The following EPB41L5 variants were observed in gnomAD, a reference collection of about 807,000 sequenced individuals.
The protein encoded by EPB41L5 is erythrocyte membrane protein band 4.1 like 5.
A neutral mutation model predicts 106.6 loss-of-function variants in EPB41L5; 55 were observed. The ratio of observed to expected loss-of-function variants is 0.52; its 90% CI spans 0.42 to 0.65. The LOEUF (loss-of-function observed/expected upper bound fraction) is 0.65, where lower values mean the gene tolerates loss of function less well. Among genes scored for constraint, EPB41L5 ranks in the 30% least tolerant of loss-of-function variants. The probability of loss-of-function intolerance (pLI) is 0.00; values close to 1 mark genes in which losing one functional copy is unlikely to be tolerated. For missense variants in EPB41L5, 871 were observed against 882.1 expected (o/e 0.99, Z 0.16); for synonymous variants, 297 against 306.7 (o/e 0.97, Z 0.33).
At chr2:120,084,320 G>A (rs1207320376) in intron 10 of EPB41L5, among the ~76,000 whole-genome samples, 5 of 152,044 alleles carry the variant, frequency 3.3e-5, no homozygotes, top group Non-Finnish European at 5.9e-5. Context: ...GGCATGCCTC[G>A]TGGTGACAAA....
intron 24 of EPB41L5, among the ~76,000 whole-genome samples, chr2:120,171,256 T>C (rs973898856): frequency 3.3e-5 from 5 of 152,000 alleles, no homozygotes; most frequent in Non-Finnish European, 7.4e-5. Flanking sequence ...AGAAACAAAA[T>C]AAAAAGCAAG....
intron 3 of EPB41L5, among the ~76,000 whole-genome samples, chr2:120,056,537 G>A (rs547390807): frequency 3.3e-5 from 5 of 152,216 alleles, no homozygotes; most frequent in African/African-American, 9.6e-5. Flanking sequence ...GTATGCAAGC[G>A]ATCCTTTTGC....
At position 120,174,843 on chromosome 2, in the gene EPB41L5, C is replaced by G. The variant is rs759329364; in HGVS notation, c.2138C>G (p.Ser713Cys). ...APFLVDAVTS[S>C]GPILAEEAVL... ...AACCCATTCTCTCTTCCTTTCAGCT[C>G]TGGTCCCATTTTGGCAGAAGAAGCT... The change falls in exon 25 of 25, where the codon TCT becomes TGT. Residue 713 changes from serine to cysteine, a missense_variant and splice_region_variant. By Grantham distance (112) the Ser-to-Cys change is moderately radical. Transcript: ENST00000263713. 3.3e-5 allele frequency: 54 copies of G among 1,614,016 alleles called. No homozygotes were observed. The Middle Eastern group carries it at 1.3e-3, about 39-fold the overall frequency.
At position 120,117,034 on chromosome 2, in the gene EPB41L5, A is replaced by G. The variant is rs768849341; in HGVS notation, c.1338-10654A>G. Among the ~76,000 whole-genome samples, 29 of 152,350 alleles carry G rather than the reference A, an allele frequency of 1.9e-4. 1 individual carries two copies. The highest frequency in any genetic ancestry group is 6.8e-3 in the Middle Eastern group (2 of 292). ...TTTTCATTTGCCCTTAATTTTAAAA[A>G]TTTATTGTGAAATAAATATATAGAG... is the stretch of plus-strand genomic sequence containing the variant. On this transcript the variant is annotated intron_variant, in intron 16 of 24. Coordinates refer to ENST00000263713, the MANE Select transcript of EPB41L5 (RefSeq NM_020909.4).
At chr2:120,170,408 G>C (rs751484392) in intron 24 of EPB41L5, among the ~76,000 whole-genome samples, 1 of 152,198 alleles carries the variant, frequency 6.6e-6, no homozygotes, top group Admixed American at 6.5e-5. Context: ...TCATCTGAAG[G>C]CTCAATGGAA....
intron 14 of EPB41L5, among the ~76,000 whole-genome samples, chr2:120,096,212 GA>G (rs1042353269): frequency 2.6e-5 from 4 of 151,994 alleles, no homozygotes; most frequent in African/African-American, 9.7e-5. Context: ...GCCTCACCTT[GA>G]AATGTCCATT....
At position 120,102,489 on chromosome 2, in the gene EPB41L5, G is replaced by A. The variant is rs180970451; in HGVS notation, c.1337+1675G>A. Among the ~76,000 whole-genome samples, 447 of 152,224 alleles carry A rather than the reference G, an allele frequency of 2.9e-3. 2 individuals carry two copies. Among genetic ancestry groups the A allele is most frequent in the African/African-American group, 0.01 (434 of 41,538 alleles). ...TGTTTTGGAGATAATGGACTCTCCC[G>A]CCTTAATTTCATATGTGTTCTGCAT... On this transcript the variant is annotated intron_variant, in intron 16 of 24. Transcript: ENST00000263713.
chr2:120,055,126 G>A (rs905436120), intron 3 of EPB41L5, among the ~76,000 whole-genome samples: 4 of 152,152 alleles, frequency 2.6e-5, no homozygotes, highest in South Asian at 2.1e-4. Flanking sequence ...GCCTCCCAAA[G>A]TGCTGGAATT....
chr2:120,041,094 C>A (rs1679373954), intron 2 of EPB41L5, among the ~76,000 whole-genome samples: 1 of 151,966 alleles, frequency 6.6e-6, no homozygotes. Context: ...CAATAATTGT[C>A]TATTAATATA....
At chr2:120,166,787 A>G (rs1380257486) in intron 22 of EPB41L5, among the ~76,000 whole-genome samples, 3 of 152,202 alleles carry the variant, frequency 2.0e-5, no homozygotes, top group South Asian at 2.1e-4. Context: ...CTGGACTTAC[A>G]TTAGTTTTTT....
At chr2:120,136,238 CAAAT>C (rs1166442434) in intron 18 of EPB41L5, among the ~76,000 whole-genome samples, 5 of 147,158 alleles carry the variant, frequency 3.4e-5, no homozygotes, top group Non-Finnish European at 1.5e-5. Flanking sequence ...ATGGTAACCT[CAAAT>C]AAAAAAGCCT....
intron 3 of EPB41L5, among the ~76,000 whole-genome samples, chr2:120,070,684 T>TA (rs1333960055): frequency 1.3e-5 from 2 of 152,176 alleles, no homozygotes; most frequent in Non-Finnish European, 2.9e-5. Flanking sequence ...TGGTTCAACA[T>TA]ACGCAAATCA....
rs552819825 is a variant in EPB41L5 at position 120,074,005 on chromosome 2, G to C, written c.329-95G>C. The C allele has an allele frequency of 3.7e-5, 33 of 883,986 alleles. 1 individual carries two copies. Among genetic ancestry groups the C allele is most frequent in the Middle Eastern group, 6.8e-4 (2 of 2,930 alleles). 54.8% of individuals were successfully genotyped at this position (883,986 alleles called of 1,614,324 possible). A position where few individuals can be genotyped will look rare whatever the true frequency, so the allele number is the denominator to read the frequency against. On this transcript the variant is annotated intron_variant, in intron 4 of 24. Transcript: ENST00000263713. ...TAATGCCATAAAAACCTCATCTTTT[G>C]TCTCACTTCAGTAGATTTTTGACCA...
At chr2:120,093,340 T>A in intron 14 of EPB41L5, 64 bp downstream of exon 14, 1 of 1,333,038 alleles carries the variant, frequency 7.5e-7, no homozygotes, top group South Asian at 1.2e-5. Context: ...TTGCTATCAT[T>A]AAACAAATAT....
chr2:120,059,009 A>G (rs1386649260), intron 3 of EPB41L5, among the ~76,000 whole-genome samples: 3 of 152,214 alleles, frequency 2.0e-5, no homozygotes, highest in Non-Finnish European at 2.9e-5. Context: ...AGTAATTTTA[A>G]AAAAGGGGAA....
In EPB41L5 at chr2:120,036,859, A is replaced by G. The variant is rs145026368; in HGVS notation, c.181-5147A>G. ...AAAGAAAGGATATAATATGAAGCATAAAATAAAAATTAAGAAATAAATGAA... is the reference window on the plus strand; with the variant it reads ...AAAGAAAGGATATAATATGAAGCATGAAATAAAAATTAAGAAATAAATGAA... On this transcript the variant is annotated intron_variant, in intron 2 of 24. Transcript: ENST00000263713. Among the ~76,000 whole-genome samples the G allele has an allele frequency of 2.2e-3, 331 of 152,276 alleles. 1 individual carries two copies. Among genetic ancestry groups the G allele is most frequent in the Admixed American group, 3.7e-3 (57 of 15,294 alleles).
At chr2:120,106,531 A>G (rs1194060586) in intron 16 of EPB41L5, 12 of 985,316 alleles carry the variant, frequency 1.2e-5, no homozygotes, top group Middle Eastern at 5.2e-4. Flanking sequence ...TAGAGAAGTA[A>G]TAACCTCCAG....
At position 120,019,148 on chromosome 2, in the gene EPB41L5, C is replaced by T. The variant is rs760987295; in HGVS notation, c.64C>T (p.Arg22Ter). ...TATGCGTAAACATGCAGAGAAGGAA[C>T]GACTCCGAGAAGCACAACGCGCCGC... is the stretch of plus-strand genomic sequence containing the variant. Reference protein sequence around the residue: ...RSMRKHAEKERLREAQRAATH... With the variant: ...RSMRKHAEKE The change falls in exon 2 of 25, where the codon CGA becomes TGA. Residue 22 changes from arginine (R) to a stop codon, truncating the protein, a stop_gained. Coordinates refer to ENST00000263713, the MANE Select transcript of EPB41L5 (RefSeq NM_020909.4). LOFTEE classifies it high-confidence loss of function. The T allele has an allele frequency of 6.2e-7, 1 of 1,613,946 alleles. No individual in the cohort carries two copies. The highest frequency in any genetic ancestry group is 8.5e-7 in the Non-Finnish European group (1 of 1,179,996).
chr2:120,049,847 A>C (rs1046118571), intron 3 of EPB41L5, among the ~76,000 whole-genome samples: 1 of 152,138 alleles, frequency 6.6e-6, no homozygotes, highest in African/African-American at 2.4e-5. Flanking sequence ...GAGCTCTTGT[A>C]AGGCATGCCT....
Sources: allele counts gnomAD v4.1 joint callset (sites outside exome capture counted in the v4.1 genomes callset), GRCh38; gene constraint gnomAD v4.1.1; transcripts MANE v1.5; gene names NCBI Gene and HGNC (gene_info 2026-07-23, HGNC 2026-07-21).